COL14A1: variants seen among roughly 807,000 people sequenced by gnomAD.
The protein encoded by COL14A1 is collagen alpha-1(XIV) chain.
In COL14A1, 136 loss-of-function variants were observed where a neutral mutation model predicts 230.3. The ratio of observed to expected loss-of-function variants is 0.59; its 90% CI spans 0.51 to 0.68. COL14A1 has a LOEUF of 0.68. Among genes scored for constraint, COL14A1 ranks in the 30% least tolerant of loss-of-function variants. The pLI, the probability that COL14A1 is intolerant of heterozygous loss-of-function variation, is 0.00. For missense variants in COL14A1, 1,976 were observed against 2,215.8 expected, an observed-to-expected ratio of 0.89 and a Z score of 2.17; for synonymous variants, 792 against 784.1, an observed-to-expected ratio of 1.01 and a Z score of -0.17.
chr8:120,253,170 T>A (rs1563698005), intron 22 of COL14A1, among the ~76,000 whole-genome samples: 1 of 152,148 alleles, frequency 6.6e-6, no homozygotes, highest in Non-Finnish European at 1.5e-5. Flanking sequence ...CCACCATGCA[T>A]GGCTAATTTT....
intron 3 of COL14A1, among the ~76,000 whole-genome samples, chr8:120,161,120 A>G (rs931979281): frequency 5.3e-5 from 8 of 152,216 alleles, no homozygotes; most frequent in Non-Finnish European, 7.3e-5. Flanking sequence ...ACATAAGGAA[A>G]TGGGTTTTGG....
intron 5 of COL14A1, among the ~76,000 whole-genome samples, chr8:120,183,571 G>A (rs995748065): frequency 6.6e-6 from 1 of 152,128 alleles, no homozygotes; most frequent in African/African-American, 2.4e-5. Context: ...CATATTTGAA[G>A]ACAGCTGTCA....
At chr8:120,300,270 T>C (rs1232846185) in intron 35 of COL14A1, among the ~76,000 whole-genome samples, 1 of 152,180 alleles carries the variant, frequency 6.6e-6, no homozygotes, top group East Asian at 1.9e-4. Flanking sequence ...AGTTTAAACA[T>C]TGATTTTATT....
At chr8:120,177,787 A>T (rs562087904) in intron 5 of COL14A1, among the ~76,000 whole-genome samples, 1 of 150,816 alleles carries the variant, frequency 6.6e-6, no homozygotes, top group Non-Finnish European at 1.5e-5. Context: ...GAAAGAAGAG[A>T]TGAAAAGAAT....
At chr8:120,196,543 G>A (rs553219391) in intron 5 of COL14A1, among the ~76,000 whole-genome samples, 3 of 152,192 alleles carry the variant, frequency 2.0e-5, no homozygotes, top group Non-Finnish European at 4.4e-5. Flanking sequence ...ACAGAAGGCT[G>A]AGTTGTCAGG....
intron 5 of COL14A1, among the ~76,000 whole-genome samples, chr8:120,192,451 C>T (rs1816861364): frequency 6.6e-6 from 1 of 152,190 alleles, no homozygotes; most frequent in South Asian, 2.1e-4. Flanking sequence ...GTGGGTAACC[C>T]GACCTTTCTC....
intron 4 of COL14A1, among the ~76,000 whole-genome samples, chr8:120,164,625 T>C (rs1815803062): frequency 6.6e-6 from 1 of 152,236 alleles, no homozygotes; most frequent in African/African-American, 2.4e-5. Flanking sequence ...ATTTGGCAAA[T>C]TCACCTGTCA....
intron 19 of COL14A1, among the ~76,000 whole-genome samples, chr8:120,236,872 T>A (rs1818460194): frequency 6.6e-6 from 1 of 152,184 alleles, no homozygotes. Flanking sequence ...CTCCTTCACT[T>A]ATGAAGCTTA....
intron 20 of COL14A1, among the ~76,000 whole-genome samples, chr8:120,246,145 C>T (rs910911725): frequency 6.6e-6 from 1 of 152,116 alleles, no homozygotes; most frequent in Non-Finnish European, 1.5e-5. Context: ...AATTCTGAAG[C>T]CCAGAGTCCT....
intron 45 of COL14A1, among the ~76,000 whole-genome samples, chr8:120,365,308 G>A (rs921985989): frequency 3.3e-5 from 5 of 152,172 alleles, no homozygotes; most frequent in African/African-American, 1.2e-4. Context: ...ATCCTGCACC[G>A]TGAGGTCGTG....
At chr8:120,153,481 C>A (rs1046696276) in intron 2 of COL14A1, among the ~76,000 whole-genome samples, 1 of 152,088 alleles carries the variant, frequency 6.6e-6, no homozygotes, top group Non-Finnish European at 1.5e-5. Context: ...CACTGTACCC[C>A]GCCAATAATC....
chr8:120,189,381 A>G (rs778803812), intron 5 of COL14A1, among the ~76,000 whole-genome samples: 5 of 152,170 alleles, frequency 3.3e-5, no homozygotes, highest in Non-Finnish European at 7.4e-5. Flanking sequence ...AAGAAAAATC[A>G]TACTTTGCAG....
At chr8:120,239,329 G>T (rs1818547226) in intron 19 of COL14A1, among the ~76,000 whole-genome samples, 2 of 152,300 alleles carry the variant, frequency 1.3e-5, no homozygotes, top group African/African-American at 4.8e-5. Flanking sequence ...TGGGAAAGAA[G>T]TCTACAAAAT....
intron 1 of COL14A1, among the ~76,000 whole-genome samples, chr8:120,131,264 T>C (rs1814515770): frequency 6.6e-6 from 1 of 151,432 alleles, no homozygotes; most frequent in Admixed American, 6.5e-5. Flanking sequence ...TGAACGGTAG[T>C]TTTTTAAGTT....
chr8:120,223,296 C>G (rs899409809), intron 14 of COL14A1, among the ~76,000 whole-genome samples: 2 of 152,204 alleles, frequency 1.3e-5, no homozygotes, highest in Non-Finnish European at 2.9e-5. Context: ...TTGCCATGAG[C>G]AAACACATAC....
At chr8:120,201,692 G>C (rs1817253717) in intron 8 of COL14A1, among the ~76,000 whole-genome samples, 1 of 152,080 alleles carries the variant, frequency 6.6e-6, no homozygotes, top group Admixed American at 6.6e-5. Flanking sequence ...TTTAGACCCT[G>C]TCCTAGATTT....
intron 2 of COL14A1, among the ~76,000 whole-genome samples, chr8:120,155,013 T>C (rs1815420149): frequency 6.6e-6 from 1 of 152,206 alleles, no homozygotes; most frequent in African/African-American, 2.4e-5. Context: ...GGCCTCTTTC[T>C]TTTTTAACTA....
rs772178721 is a variant in COL14A1, at chr8:120,367,208, C to T, written c.5115C>T (p.Gly1705=). Residue 1705 remains glycine, a synonymous_variant, in exon 46 of 48, where the codon GGC becomes GGT. Transcript: ENST00000297848. Reference sequence around the variant, plus strand: ...TCAAAGGAGAAAAAGGAAATCCAGGCGTTGGAACCCAAGGTCCAAGAGGCC... The same window carrying T: ...TCAAAGGAGAAAAAGGAAATCCAGGTGTTGGAACCCAAGGTCCAAGAGGCC... The part of the protein sequence containing the change: ...TGIKGEKGNP[G]VGTQGPRGPP... 8.7e-6 allele frequency: 14 copies of T among 1,613,544 alleles called. No homozygotes were observed. The highest frequency in any genetic ancestry group is 5.3e-5 in the African/African-American group (4 of 74,988).
intron 5 of COL14A1, among the ~76,000 whole-genome samples, chr8:120,169,658 TC>T (rs998031249): frequency 1.7e-4 from 26 of 152,122 alleles, no homozygotes; most frequent in Non-Finnish European, 1.5e-4. Flanking sequence ...ACTTTATTCA[TC>T]TTTTTGATAA....
Sources: gnomAD v4.1 joint callset for allele counts (sites outside exome capture counted in the v4.1 genomes callset) on GRCh38, gnomAD v4.1.1 for gene constraint, MANE v1.5 for transcripts, NCBI Gene and HGNC (gene_info 2026-07-23, HGNC 2026-07-21) for gene names.